Variants in MYLK observed in about 807,000 individuals in gnomAD.
MYLK encodes the protein myosin light chain kinase.
MYLK carries 106 observed loss-of-function variants against 203.4 expected under a neutral mutation model. The ratio of observed to expected loss-of-function variants is 0.52; its 90% CI spans 0.45 to 0.61. MYLK has a LOEUF of 0.61. MYLK is among the 20% of genes least tolerant of loss of function. The pLI, the probability that MYLK is intolerant of heterozygous loss-of-function variation, is 0.00. For synonymous variants in MYLK, 867 were observed against 959.5 expected, an observed-to-expected ratio of 0.90 and a Z score of 1.78; for missense variants, 2,072 against 2,442.3, an observed-to-expected ratio of 0.85 and a Z score of 3.20.
chr3:123,632,296 T>C (rs2058465381), intron 29 of MYLK, among the ~76,000 whole-genome samples: 2 of 152,092 alleles, frequency 1.3e-5, no homozygotes, highest in Non-Finnish European at 2.9e-5. Context: ...AAGCAGCCTG[T>C]CTCTTGCCTG....
At chr3:123,670,518 G>A (rs2059881199) in intron 20 of MYLK, among the ~76,000 whole-genome samples, 1 of 152,174 alleles carries the variant, frequency 6.6e-6, no homozygotes, top group East Asian at 1.9e-4. Flanking sequence ...GCTTTGGGAG[G>A]CAGAGGTGGC....
At position 123,620,442 on chromosome 3, in the gene MYLK, C is replaced by T. The variant is rs1158760965; in HGVS notation, c.5239-106G>A. On this transcript the variant is annotated intron_variant, in intron 31 of 33. Coordinates refer to ENST00000360304, the MANE Select transcript of MYLK (RefSeq NM_053025.4). ...GCCCAGCCCCAGAGAAGCAGCTGTT[C>T]CCTGGAACAAGGACCTCCTGAGAGC... The T allele has an allele frequency of 1.0e-5, 16 of 1,595,216 alleles. No individual in the cohort carries two copies. In the Admixed American group the frequency reaches 2.2e-4, roughly 22 times the overall value.
At chr3:123,660,103 G>T (rs1168718507) in intron 23 of MYLK, among the ~76,000 whole-genome samples, 1 of 152,158 alleles carries the variant, frequency 6.6e-6, no homozygotes, top group African/African-American at 2.4e-5. Context: ...CATCTACCTG[G>T]ATAATCCTAG....
rs537824572 is a variant in MYLK at position 123,776,998 on chromosome 3, C to T, written c.165+16679G>A. The stretch of plus-strand genomic sequence containing the variant: ...GATTAAACAAAACAATAATAAAGAC[C>T]GAGAGCAAAGCAGAACCATAGGTAA... On this transcript the variant is annotated intron_variant, in intron 4 of 33. Coordinates refer to ENST00000360304, the MANE Select transcript of MYLK (RefSeq NM_053025.4). Among the ~76,000 whole-genome samples, 41 of 152,304 alleles carry T rather than the reference C, an allele frequency of 2.7e-4. 2 individuals are homozygous for T. In the South Asian group the frequency reaches 7.5e-3, roughly 28 times the overall value.
chr3:123,639,440 G>A (rs1034653258), intron 28 of MYLK, among the ~76,000 whole-genome samples: 1 of 152,174 alleles, frequency 6.6e-6, no homozygotes, highest in African/African-American at 2.4e-5. Flanking sequence ...TACCTGCAGG[G>A]TGGTGAAATA....
At chr3:123,683,328 G>A (rs1322503120) in intron 19 of MYLK, among the ~76,000 whole-genome samples, 4 of 152,048 alleles carry the variant, frequency 2.6e-5, no homozygotes, top group African/African-American at 7.2e-5. Flanking sequence ...CAGAGGCTCC[G>A]CCACATTCCT....
intron 7 of MYLK, 40 bp downstream of exon 7, chr3:123,738,857 A>G (rs2108815191): frequency 1.3e-6 from 2 of 1,586,264 alleles, no homozygotes; most frequent in Middle Eastern, 3.4e-4. Context: ...GAACAGACTA[A>G]TACAGGCTGG....
intron 11 of MYLK, among the ~76,000 whole-genome samples, chr3:123,730,392 A>G (rs2062435155): frequency 6.6e-6 from 1 of 152,232 alleles, no homozygotes; most frequent in South Asian, 2.1e-4. Context: ...ATGACCCAAC[A>G]ATATATGTGG....
intron 3 of MYLK, among the ~76,000 whole-genome samples, chr3:123,808,707 C>T (rs573039841): frequency 2.6e-5 from 4 of 152,250 alleles, no homozygotes; most frequent in Admixed American, 6.5e-5. Flanking sequence ...AACCACATAT[C>T]GATTGTCACT....
At chr3:123,783,634 T>A (rs1266540130) in intron 4 of MYLK, among the ~76,000 whole-genome samples, 1 of 151,806 alleles carries the variant, frequency 6.6e-6, no homozygotes, top group Non-Finnish European at 1.5e-5. Context: ...CTGTCTACTG[T>A]TTACAAAAAA....
intron 31 of MYLK, chr3:123,622,439 C>T (rs2057917977): frequency 6.6e-6 from 1 of 152,252 alleles, no homozygotes; most frequent in Admixed American, 6.5e-5. Flanking sequence ...GGAACACCCG[C>T]CTTGAGCCCA....
At chr3:123,645,527 A>C (rs908783581) in intron 27 of MYLK, among the ~76,000 whole-genome samples, 8 of 152,232 alleles carry the variant, frequency 5.3e-5, no homozygotes, top group Non-Finnish European at 1.2e-4. Flanking sequence ...CCCCAAGTTC[A>C]GGATGAGCAT....
rs559933360 is a variant in MYLK at position 123,739,031 on chromosome 3, G to T, written c.454C>A (p.Arg152Ser). 2 of 1,613,850 alleles carry T rather than the reference G, an allele frequency of 1.2e-6. No individual in the cohort carries two copies. The highest frequency in any genetic ancestry group is 1.7e-5 in the Admixed American group (1 of 60,002). ...GGGCACTCCCCCCAGATGCTAGGAC[G>T]GGTCTCCACTGCTGGAGCTGAAAAT... ...DRFSAPAVET[R>S]PSIWGECPPK... Residue 152 changes from arginine to serine, a missense_variant, in exon 7 of 34, where the codon CGT becomes AGT. Coordinates refer to ENST00000360304, the MANE Select transcript of MYLK (RefSeq NM_053025.4).
intron 12 of MYLK, among the ~76,000 whole-genome samples, chr3:123,724,222 T>A (rs1201090412): frequency 1.6e-5 from 2 of 123,902 alleles, no homozygotes; most frequent in South Asian, 2.8e-4. Flanking sequence ...GCTCAGGCAA[T>A]CCACCTGCCT....
chr3:123,776,314 A>G (rs1171625133), intron 4 of MYLK, among the ~76,000 whole-genome samples: 1 of 152,186 alleles, frequency 6.6e-6, no homozygotes, highest in African/African-American at 2.4e-5. Context: ...AACTGGTGCT[A>G]TGTCTTCTTC....
In MYLK at chr3:123,692,291, G is replaced by C. The variant is rs1257532968; in HGVS notation, c.3565+444C>G. The C allele has an allele frequency of 4.2e-5, 47 of 1,122,700 alleles. No individual in the cohort carries two copies. In the South Asian group the frequency reaches 7.6e-4, roughly 18 times the overall value. The allele number at this position is 1,122,700 out of a possible 1,614,324, so 69.5% of individuals were successfully genotyped here. A position where few individuals can be genotyped will look rare whatever the true frequency, so the allele number is the denominator to read the frequency against. ...ACTCAGCCCCGACTCACCTCCTCTA[G>C]GAAGTCTCCCACACGGACCTCGCTC... On this transcript the variant is annotated intron_variant, in intron 19 of 33. Transcript: ENST00000360304.
intron 4 of MYLK, among the ~76,000 whole-genome samples, chr3:123,779,679 A>G (rs1364961051): frequency 6.6e-6 from 1 of 152,240 alleles, no homozygotes; most frequent in Non-Finnish European, 1.5e-5. Flanking sequence ...AGAGAAGAAC[A>G]AGTGAGTCTA....
Position 123,629,662 on chromosome 3 carries a change from G to C in MYLK, c.4962-36C>G. ...AAGAGCAGGACAGCAGGTGTGGCTAGGAGAGGGCGCGACGACCAGGTGAGT... is the reference window on the plus strand; with the variant it reads ...AAGAGCAGGACAGCAGGTGTGGCTACGAGAGGGCGCGACGACCAGGTGAGT... On this transcript the variant is annotated intron_variant, in intron 29 of 33. Coordinates refer to ENST00000360304, the MANE Select transcript of MYLK (RefSeq NM_053025.4). The surrounding 1 kb of genome is among the most constrained non-coding windows in gnomAD (Gnocchi z 4.4). 6.2e-7 allele frequency: 1 copy of C among 1,612,502 alleles called. No individual in the cohort carries two copies. Among genetic ancestry groups the C allele is most frequent in the Non-Finnish European group, 8.5e-7 (1 of 1,179,770 alleles).
At chr3:123,856,052 C>T (rs2031340331) in intron 2 of MYLK, among the ~76,000 whole-genome samples, 1 of 152,166 alleles carries the variant, frequency 6.6e-6, no homozygotes, top group South Asian at 2.1e-4. Flanking sequence ...CTATTCTTTC[C>T]AGAACAGAAC....
Sources: gnomAD v4.1 joint callset for allele counts (sites outside exome capture counted in the v4.1 genomes callset) on GRCh38, gnomAD v4.1.1 for gene constraint, Gnocchi (gnomAD v3.1) non-coding constraint, MANE v1.5 for transcripts, NCBI Gene and HGNC (gene_info 2026-07-23, HGNC 2026-07-21) for gene names.